The following HERC2 variants were observed in gnomAD, a reference collection of about 807,000 sequenced individuals.
HERC2 encodes the protein E3 ubiquitin-protein ligase HERC2.
In HERC2, 102 loss-of-function variants were observed where a neutral mutation model predicts 537.7. That is an observed-to-expected ratio of 0.19 (90% CI 0.16 to 0.22). The LOEUF (loss-of-function observed/expected upper bound fraction) is 0.22, where lower values mean the gene tolerates loss of function less well. Ranked by LOEUF, HERC2 falls within the 10% of genes least tolerant of loss-of-function variation. The pLI is 1.00. For missense variants in HERC2, 4,236 were observed against 6,198.2 expected (o/e 0.68, Z 10.63); for synonymous variants, 2,224 against 2,466.2 (o/e 0.90, Z 2.91).
At chr15:28,274,215 A>C (rs1416252727) in intron 7 of HERC2, 76 bp downstream of exon 7, 11 of 1,502,342 alleles carry the variant, frequency 7.3e-6, no homozygotes, top group East Asian at 2.3e-5. Context: ...TCTTAGCTCT[A>C]AAGCAAGGGT....
intron 21 of HERC2, among the ~76,000 whole-genome samples, chr15:28,247,104 C>T (rs1031737096): frequency 7.9e-5 from 12 of 152,090 alleles, no homozygotes; most frequent in Admixed American, 3.3e-4. Flanking sequence ...TTATACCCTG[C>T]ACTACAGAGT....
chr15:28,224,384 G>A (rs1216056732), intron 35 of HERC2, among the ~76,000 whole-genome samples: 6 of 152,066 alleles, frequency 3.9e-5, no homozygotes, highest in Non-Finnish European at 5.9e-5. Context: ...ACTATGCCCA[G>A]CTAGTTTTCG....
At chr15:28,284,505 G>A (rs910860550) in intron 4 of HERC2, among the ~76,000 whole-genome samples, 2 of 151,238 alleles carry the variant, frequency 1.3e-5, no homozygotes, top group African/African-American at 2.4e-5. Flanking sequence ...ATAAGAAAGT[G>A]ACTTCAAACA....
intron 16 of HERC2, among the ~76,000 whole-genome samples, chr15:28,258,200 T>C (rs2075318947): frequency 6.6e-6 from 1 of 152,172 alleles, no homozygotes; most frequent in Admixed American, 6.5e-5. Flanking sequence ...CCGGGCGCAG[T>C]GGCTCACGCC....
chr15:28,317,724 TACATTTACAG>T (rs1210990868), intron 2 of HERC2, among the ~76,000 whole-genome samples: 1 of 152,180 alleles, frequency 6.6e-6, no homozygotes, highest in African/African-American at 2.4e-5. Flanking sequence ...TAGTAGTAGT[TACATTTACAG>T]ACCCTTGATA....
chr15:28,167,894 T>C (rs1894310499), intron 67 of HERC2, 67 bp from the exon 68 acceptor site: 4 of 1,510,862 alleles, frequency 2.6e-6, no homozygotes, highest in Middle Eastern at 2.1e-4. Context: ...ACATTTCCTA[T>C]GCAAGTCCCA....
rs544019497 is a variant in HERC2 at position 28,111,121 on chromosome 15, A to G, written c.*642T>C. 7 of 152,518 alleles carry G rather than the reference A, an allele frequency of 4.6e-5. No homozygotes were observed. The highest frequency in any genetic ancestry group is 1.0e-4 in the Non-Finnish European group (7 of 68,152). The allele number at this position is 152,518 out of a possible 1,614,324, so 9.4% of individuals were successfully genotyped here. ...AAACATTATATATAGTACACTTTCCATGATAGAAGTTATGATGCTGTTCAC... is the reference window on the plus strand; with the variant it reads ...AAACATTATATATAGTACACTTTCCGTGATAGAAGTTATGATGCTGTTCAC... On this transcript the variant is annotated 3_prime_UTR_variant, in exon 93 of 93. Transcript: ENST00000261609.
intron 68 of HERC2, among the ~76,000 whole-genome samples, chr15:28,166,898 A>G (rs1483647018): frequency 1.3e-5 from 2 of 152,250 alleles, no homozygotes; most frequent in African/African-American, 4.8e-5. Context: ...TATTTGACTA[A>G]AACAGGAACT....
At chr15:28,171,730 C>G (rs530777608) in intron 65 of HERC2, among the ~76,000 whole-genome samples, 1 of 151,982 alleles carries the variant, frequency 6.6e-6, no homozygotes, top group East Asian at 1.9e-4. Flanking sequence ...TTTTAAAAGA[C>G]CATTTAATAA....
intron 55 of HERC2, among the ~76,000 whole-genome samples, chr15:28,187,873 C>T (rs1281338288): frequency 1.3e-5 from 2 of 152,120 alleles, no homozygotes; most frequent in African/African-American, 2.4e-5. Context: ...CCCATGTGGC[C>T]GACTGCATGC....
At chr15:28,114,535 A>ACACATG in intron 90 of HERC2, 77 bp downstream of exon 90, 1 of 1,344,810 alleles carries the variant, frequency 7.4e-7, no homozygotes, top group Non-Finnish European at 1.1e-6. Flanking sequence ...ACTCCTGAAA[A>ACACATG]ACACACATGT....
At chr15:28,256,841 G>A (rs547644238) in intron 17 of HERC2, among the ~76,000 whole-genome samples, 1 of 152,126 alleles carries the variant, frequency 6.6e-6, no homozygotes, top group Admixed American at 6.5e-5. Context: ...TGATCCACCC[G>A]CCCAGGCCTC....
Position 28,176,712 on chromosome 15 carries a change from C to T in HERC2, c.9489G>A (p.Ala3163=), listed in dbSNP as rs764648119. The T allele has an allele frequency of 1.1e-5, 17 of 1,613,970 alleles. No homozygotes were observed. The highest frequency in any genetic ancestry group is 3.3e-4 in the Middle Eastern group (2 of 6,084). The change falls in exon 62 of 93, where the codon GCG becomes GCA. Residue 3163 remains alanine, a synonymous_variant. Transcript: ENST00000261609. The surrounding 1 kb of genome is among the most constrained non-coding windows in gnomAD (Gnocchi z 5.0). ...CTTCATCGGTCAGAGCCAGGGTCTG[C>T]GCGTCTCTACTCCCACATGCAACCT... is the stretch of plus-strand genomic sequence containing the variant. ...VIQVACGSRD[A]QTLALTDEGL... is the part of the protein sequence containing the mutation.
At chr15:28,181,028 C>T (rs1476433277) in intron 57 of HERC2, among the ~76,000 whole-genome samples, 1 of 152,184 alleles carries the variant, frequency 6.6e-6, no homozygotes, top group African/African-American at 2.4e-5. Context: ...AAAACACACA[C>T]CTGTAGACTA....
intron 20 of HERC2, among the ~76,000 whole-genome samples, chr15:28,251,424 C>A (rs1173947791): frequency 6.7e-6 from 1 of 149,074 alleles, no homozygotes; most frequent in Non-Finnish European, 1.5e-5. Flanking sequence ...GTCTGGGCAA[C>A]AGAGTGAGGC....
Position 28,114,746 on chromosome 15 carries a change from T to C in HERC2, c.13779A>G (p.Ser4593=). The change falls in exon 90 of 93, where the codon TCA becomes TCG. Residue 4593 remains serine (S), a synonymous_variant. Coordinates refer to ENST00000261609, the MANE Select transcript of HERC2 (RefSeq NM_004667.6). Reference sequence around the variant, plus strand: ...GCAGGCTCATGGCTTCAAACTCCTCTGAGGTGGCTTCATTGTCTCGGATGT... The same window carrying C: ...GCAGGCTCATGGCTTCAAACTCCTCCGAGGTGGCTTCATTGTCTCGGATGT... The part of the protein sequence containing the change: ...LMYIRDNEAT[S]EEFEAMSLPF... 2 of 1,614,072 alleles carry C rather than the reference T, an allele frequency of 1.2e-6. No individual in the cohort carries two copies. Among genetic ancestry groups the C allele is most frequent in the Non-Finnish European group, 1.7e-6 (2 of 1,180,010 alleles).
chr15:28,288,557 C>A (rs2076223529), intron 4 of HERC2, among the ~76,000 whole-genome samples: 2 of 147,572 alleles, frequency 1.4e-5, no homozygotes, highest in African/African-American at 5.0e-5. Flanking sequence ...AAAAAAGAGG[C>A]CAGGTGTGGT....
At chr15:28,295,889 G>A (rs1278721772) in intron 3 of HERC2, among the ~76,000 whole-genome samples, 1 of 152,018 alleles carries the variant, frequency 6.6e-6, no homozygotes, top group Non-Finnish European at 1.5e-5. Context: ...CCATGGCTAT[G>A]ACAGAGACCA....
intron 69 of HERC2, among the ~76,000 whole-genome samples, chr15:28,162,446 A>C (rs1421850387): frequency 6.6e-6 from 1 of 152,234 alleles, no homozygotes; most frequent in Non-Finnish European, 1.5e-5. Flanking sequence ...GACAGATTTG[A>C]CCACATAATA....
Sources: gnomAD v4.1 joint callset for allele counts (sites outside exome capture counted in the v4.1 genomes callset) on GRCh38, gnomAD v4.1.1 for gene constraint, Gnocchi (gnomAD v3.1) non-coding constraint, MANE v1.5 for transcripts, NCBI Gene and HGNC (gene_info 2026-07-23, HGNC 2026-07-21) for gene names.